Variants in MAD1L1 observed in about 807,000 individuals in gnomAD.
MAD1L1 encodes the protein mitotic spindle assembly checkpoint protein MAD1.
MAD1L1 carries 95 observed loss-of-function variants against 96.9 expected under a neutral mutation model. That is an observed-to-expected ratio of 0.98 (90% confidence interval 0.83 to 1.16). The LOEUF (loss-of-function observed/expected upper bound fraction) is 1.16, where lower values mean the gene tolerates loss of function less well. Ranked by LOEUF, MAD1L1 falls within the 50% of genes most tolerant of loss-of-function variation. The pLI, the probability that MAD1L1 is intolerant of heterozygous loss-of-function variation, is 0.00. For synonymous variants in MAD1L1, 473 were observed against 396.6 expected (o/e 1.19, Z -2.29); for missense variants, 1,007 against 954.4 (o/e 1.06, Z -0.73).
intron 18 of MAD1L1, among the ~76,000 whole-genome samples, chr7:1,824,460 C>G (rs941680090): frequency 6.6e-6 from 1 of 152,208 alleles, no homozygotes; most frequent in African/African-American, 2.4e-5. Flanking sequence ...GATGAGGAAA[C>G]CCTGTGCCCA....
At chr7:1,979,594 G>C (rs35344169) in intron 15 of MAD1L1, among the ~76,000 whole-genome samples, 2 of 152,232 alleles carry the variant, frequency 1.3e-5, no homozygotes, top group Non-Finnish European at 2.9e-5. Flanking sequence ...TCCACAAGGC[G>C]GGGGAGAGGC....
At chr7:1,859,707 C>A (rs1440090131) in intron 18 of MAD1L1, among the ~76,000 whole-genome samples, 1 of 152,188 alleles carries the variant, frequency 6.6e-6, no homozygotes, top group Non-Finnish European at 1.5e-5. Flanking sequence ...TGACACCCTG[C>A]AGGGCTCCCT....
At chr7:2,052,042 T>C (rs191944147) in intron 12 of MAD1L1, among the ~76,000 whole-genome samples, 1 of 152,156 alleles carries the variant, frequency 6.6e-6, no homozygotes, top group Non-Finnish European at 1.5e-5. Context: ...CAACCATTCA[T>C]GCAGAGTCAA....
At chr7:2,108,026 C>T (rs1017321672) in intron 11 of MAD1L1, among the ~76,000 whole-genome samples, 2 of 151,614 alleles carry the variant, frequency 1.3e-5, no homozygotes, top group Non-Finnish European at 2.9e-5. Flanking sequence ...TGAAACCCAT[C>T]CAGGTGCTCG....
intron 18 of MAD1L1, among the ~76,000 whole-genome samples, chr7:1,839,229 C>T (rs1313234191): frequency 6.6e-6 from 1 of 152,042 alleles, no homozygotes; most frequent in East Asian, 1.9e-4. Flanking sequence ...GAGGGCGGGG[C>T]TAGGTGGGCT....
intron 11 of MAD1L1, among the ~76,000 whole-genome samples, chr7:2,100,324 G>A (rs1220360828): frequency 1.3e-5 from 2 of 152,258 alleles, no homozygotes; most frequent in Non-Finnish European, 2.9e-5. Context: ...ATGGCAGAAA[G>A]CACGGCCTTT....
intron 15 of MAD1L1, among the ~76,000 whole-genome samples, chr7:1,975,208 C>T (rs1292947338): frequency 1.3e-5 from 2 of 152,224 alleles, no homozygotes; most frequent in Non-Finnish European, 2.9e-5. Flanking sequence ...AAAGGCTCCC[C>T]AGGTCCTGCC....
At chr7:2,198,311 C>A (rs1038528801) in intron 10 of MAD1L1, among the ~76,000 whole-genome samples, 6 of 152,140 alleles carry the variant, frequency 3.9e-5, no homozygotes, top group Admixed American at 3.9e-4. Flanking sequence ...CCATGGAAGC[C>A]TCCAGGCCGG....
chr7:2,212,933 G>A (rs527325160), intron 10 of MAD1L1, among the ~76,000 whole-genome samples: 6 of 152,278 alleles, frequency 3.9e-5, no homozygotes, highest in Admixed American at 2.0e-4. Context: ...ACAAAGCCCC[G>A]CAACGCAGGG....
intron 12 of MAD1L1, among the ~76,000 whole-genome samples, chr7:2,043,206 A>G (rs1533829): frequency 0.35 from 53,797 of 152,106 alleles, 10,655 homozygotes; most frequent in African/African-American, 0.53. Flanking sequence ...CGACCCTGCC[A>G]CTGACTTTCG....
chr7:2,094,198 G>A (rs1786357851), intron 11 of MAD1L1, among the ~76,000 whole-genome samples: 1 of 152,230 alleles, frequency 6.6e-6, no homozygotes, highest in African/African-American at 2.4e-5. Context: ...CCAGGAGGCT[G>A]AGCAGGGACC....
chr7:1,987,354 G>A (rs1210933615), intron 14 of MAD1L1, among the ~76,000 whole-genome samples: 3 of 152,324 alleles, frequency 2.0e-5, no homozygotes, highest in Admixed American at 1.3e-4. Flanking sequence ...GGCAGATGGT[G>A]GGCACAGACG....
chr7:1,875,451 C>A (rs1349605434), intron 18 of MAD1L1, among the ~76,000 whole-genome samples: 3 of 152,166 alleles, frequency 2.0e-5, no homozygotes, highest in Non-Finnish European at 4.4e-5. Context: ...GACTTGGGGG[C>A]GGGTCTGCAG....
At chr7:2,161,136 A>ACGGTCTCCCTCTGATGCCGAGC (rs1790095032) in intron 10 of MAD1L1, among the ~76,000 whole-genome samples, 1 of 1,864 alleles carries the variant, frequency 5.4e-4, no homozygotes, top group Admixed American at 5.1e-3. Context: ...TCCCCTTTGC[A>ACGGTCTCCCTCTGATGCCGAGC]CGGTCTCCCT....
chr7:2,174,004 G>A (rs1371677629), intron 10 of MAD1L1, among the ~76,000 whole-genome samples: 1 of 152,052 alleles, frequency 6.6e-6, no homozygotes, highest in Non-Finnish European at 1.5e-5. Flanking sequence ...GACAGATGGG[G>A]TCTCACTCTC....
At chr7:1,953,799 G>A (rs1243997126) in intron 16 of MAD1L1, among the ~76,000 whole-genome samples, 1 of 152,262 alleles carries the variant, frequency 6.6e-6, no homozygotes, top group Non-Finnish European at 1.5e-5. Flanking sequence ...ACAGGGTTGA[G>A]TCTGAATGCT....
chr7:2,215,814 C>T, intron 9 of MAD1L1, 71 bp downstream of exon 9: 1 of 1,423,328 alleles, frequency 7.0e-7, no homozygotes, highest in African/African-American at 1.4e-5. Flanking sequence ...GTGGGCGTGA[C>T]CACAATACCG....
chr7:1,933,290 G>T (rs1418994739), intron 17 of MAD1L1, among the ~76,000 whole-genome samples: 1 of 152,192 alleles, frequency 6.6e-6, no homozygotes, highest in African/African-American at 2.4e-5. Flanking sequence ...AGCGATCCAT[G>T]GGAGCTGTCG....
intron 12 of MAD1L1, among the ~76,000 whole-genome samples, chr7:2,021,611 A>T (rs1414979914): frequency 9.3e-6 from 1 of 107,008 alleles, no homozygotes; most frequent in African/African-American, 7.7e-5. Context: ...CTGAAAGTAG[A>T]AAAGTTAGCT....
Sources: allele counts gnomAD v4.1 joint callset (sites outside exome capture counted in the v4.1 genomes callset), GRCh38; gene constraint gnomAD v4.1.1; transcripts MANE v1.5; gene names NCBI Gene and HGNC (gene_info 2026-07-23, HGNC 2026-07-21).